LARGE1: variants seen among roughly 807,000 people sequenced by gnomAD.
The protein encoded by LARGE1 is LARGE xylosyl- and glucuronyltransferase 1.
In LARGE1, 43 loss-of-function variants were observed where a neutral mutation model predicts 87.6. The observed-to-expected ratio is 0.49, with a 90% CI of 0.38 to 0.63. The LOEUF is 0.63. LARGE1 is among the 30% of genes least tolerant of loss of function. The probability of loss-of-function intolerance (pLI) is 0.00; values close to 1 mark genes in which losing one functional copy is unlikely to be tolerated. For missense variants in LARGE1, 802 were observed against 1,000.2 expected (o/e 0.80, Z 2.67); for synonymous variants, 434 against 394.6 (o/e 1.10, Z -1.18).
intron 12 of LARGE1, among the ~76,000 whole-genome samples, chr22:33,296,485 C>A (rs1265782602): frequency 6.6e-6 from 1 of 151,920 alleles, no homozygotes; most frequent in African/African-American, 2.4e-5. Flanking sequence ...GCCTATCGGG[C>A]AACTGGATCA....
chr22:33,631,796 T>C (rs2080119255), intron 3 of LARGE1, among the ~76,000 whole-genome samples: 1 of 152,254 alleles, frequency 6.6e-6, no homozygotes. Context: ...ATAATTGCGC[T>C]ATAGTTTTAT....
intron 11 of LARGE1, among the ~76,000 whole-genome samples, chr22:33,168,285 A>G (rs771965342): frequency 6.6e-6 from 1 of 152,260 alleles, no homozygotes; most frequent in Non-Finnish European, 1.5e-5. Flanking sequence ...ATAGACTATA[A>G]TTCCTAGGCC....
intron 1 of LARGE1, among the ~76,000 whole-genome samples, chr22:33,871,172 C>G (rs938731372): frequency 2.6e-5 from 4 of 152,178 alleles, no homozygotes; most frequent in African/African-American, 9.6e-5. Flanking sequence ...CAGTGGTTTC[C>G]ATACATCCCA....
intron 11 of LARGE1, among the ~76,000 whole-genome samples, chr22:33,193,283 A>G (rs1206553129): frequency 6.6e-6 from 1 of 152,224 alleles, no homozygotes; most frequent in Admixed American, 6.5e-5. Context: ...ATAATCAGTG[A>G]AAAAGCAAGA....
At chr22:33,167,074 C>T (rs1922316051) in intron 11 of LARGE1, among the ~76,000 whole-genome samples, 1 of 152,042 alleles carries the variant, frequency 6.6e-6, no homozygotes. Flanking sequence ...ATTAATAATC[C>T]ATTAATTGGT....
At chr22:33,158,798 C>T (rs181870491), downstream of LARGE1, among the ~76,000 whole-genome samples, 14 of 152,156 alleles carry the variant, frequency 9.2e-5, no homozygotes, top group Non-Finnish European at 1.6e-4. Flanking sequence ...GGATAAATTC[C>T]ATCTTAGTTC....
At chr22:33,379,644 T>C (rs2065096489) in intron 9 of LARGE1, among the ~76,000 whole-genome samples, 1 of 152,238 alleles carries the variant, frequency 6.6e-6, no homozygotes, top group Non-Finnish European at 1.5e-5. Flanking sequence ...TAAGTTCATG[T>C]CCTTTGTAGG....
Position 33,542,086 on chromosome 22 carries a change from A to T in LARGE1, c.787+22762T>A, listed in dbSNP as rs565192160. ...CTGAGGCAGGAGAAACCCTTGAACC[A>T]AGGAGGTAGAGGTTGCATTGAGCCG... On this transcript the variant is annotated intron_variant, in intron 6 of 14. Coordinates refer to ENST00000397394, the MANE Select transcript of LARGE1 (RefSeq NM_133642.5). Among the ~76,000 whole-genome samples the T allele has an allele frequency of 4.2e-3, 636 of 150,806 alleles. 4 individuals are homozygous for T. Among genetic ancestry groups the T allele is most frequent in the African/African-American group, 0.015 (601 of 40,990 alleles).
intron 1 of LARGE1, among the ~76,000 whole-genome samples, chr22:33,780,065 C>G (rs1248806906): frequency 6.6e-6 from 1 of 152,204 alleles, no homozygotes; most frequent in Admixed American, 6.5e-5. Flanking sequence ...TTCCTGGCCT[C>G]TCTCCTAGCT....
At chr22:33,468,681 G>C (rs1390153330) in intron 6 of LARGE1, among the ~76,000 whole-genome samples, 1 of 152,120 alleles carries the variant, frequency 6.6e-6, no homozygotes, top group East Asian at 1.9e-4. Flanking sequence ...ATCCCCGTTT[G>C]TATGGATTAG....
chr22:33,575,889 C>A lies in LARGE1; in HGVS notation c.616-10870G>T, dbSNP rs555102414. On this transcript the variant is annotated intron_variant, in intron 5 of 14. Coordinates refer to ENST00000397394, the MANE Select transcript of LARGE1 (RefSeq NM_133642.5). ...AAGAAGCATCCTCTATTTAGCTTTG[C>A]GAAGCTTGAGGGGATTGGTCACTGG... is the stretch of plus-strand genomic sequence containing the variant. Among the ~76,000 whole-genome samples, 5 of 152,290 alleles carry A rather than the reference C, an allele frequency of 3.3e-5. No homozygotes were observed. In the South Asian group the frequency reaches 8.3e-4, roughly 25 times the overall value.
intron 1 of LARGE1, among the ~76,000 whole-genome samples, chr22:33,785,373 A>T (rs758637983): frequency 6.6e-6 from 1 of 152,090 alleles, no homozygotes; most frequent in Non-Finnish European, 1.5e-5. Context: ...CAGATGTTAC[A>T]CAACTCATAA....
chr22:33,245,825 C>A (rs576466049), intron 11 of LARGE1, among the ~76,000 whole-genome samples: 3 of 152,306 alleles, frequency 2.0e-5, no homozygotes, highest in African/African-American at 7.2e-5. Context: ...AGGAGAATCA[C>A]TTGAACCTGG....
chr22:33,174,475 G>T (rs1184216808), intron 11 of LARGE1, among the ~76,000 whole-genome samples: 2 of 152,074 alleles, frequency 1.3e-5, no homozygotes, highest in African/African-American at 4.8e-5. Flanking sequence ...CAGAAGACAA[G>T]AAATAATTAA....
intron 11 of LARGE1, among the ~76,000 whole-genome samples, chr22:33,255,228 G>A (rs1337161348): frequency 6.6e-6 from 1 of 152,110 alleles, no homozygotes; most frequent in Non-Finnish European, 1.5e-5. Flanking sequence ...GTGAGCCACC[G>A]TGCCTGGCCC....
intron 2 of LARGE1, among the ~76,000 whole-genome samples, chr22:33,701,987 G>C (rs765899686): frequency 1.3e-5 from 2 of 152,148 alleles, no homozygotes; most frequent in Non-Finnish European, 2.9e-5. Context: ...TCATTAGTGT[G>C]AGTGTTCCTC....
At chr22:33,183,642 A>ACGCACACACG (rs1310595814) in intron 11 of LARGE1, among the ~76,000 whole-genome samples, 3 of 149,250 alleles carry the variant, frequency 2.0e-5, no homozygotes, top group Non-Finnish European at 4.5e-5. Flanking sequence ...ACACACACAC[A>ACGCACACACG]CACACACACA....
rs377487374 is a variant in LARGE1, at chr22:33,283,472, T to A, written c.1731-124A>T. On this transcript the variant is annotated intron_variant, in intron 12 of 14. Coordinates refer to ENST00000397394, the MANE Select transcript of LARGE1 (RefSeq NM_133642.5). Reference sequence around the variant, plus strand: ...GGGAAAGAAAGCTCAGGTCATCCTCTCAATTAAAGATGGGGAAACTGGGCC... The same window carrying A: ...GGGAAAGAAAGCTCAGGTCATCCTCACAATTAAAGATGGGGAAACTGGGCC... 221 of 1,070,578 alleles carry A rather than the reference T, an allele frequency of 2.1e-4. 1 individual carries two copies. In the East Asian group the frequency reaches 4.6e-3, roughly 22 times the overall value. The allele number at this position is 1,070,578 out of a possible 1,614,324, so 66.3% of individuals were successfully genotyped here.
chr22:33,389,364 T>G (rs1275148605), intron 7 of LARGE1, among the ~76,000 whole-genome samples: 1 of 152,180 alleles, frequency 6.6e-6, no homozygotes, highest in Non-Finnish European at 1.5e-5. Context: ...TGCTTATGGC[T>G]GGAAAGGCTG....
Sources: allele counts gnomAD v4.1 joint callset (sites outside exome capture counted in the v4.1 genomes callset), GRCh38; gene constraint gnomAD v4.1.1; transcripts MANE v1.5; gene names NCBI Gene and HGNC (gene_info 2026-07-23, HGNC 2026-07-21).